Variants in LHX1 observed in about 807,000 individuals in gnomAD.
The protein encoded by LHX1 is LIM homeobox 1.
Under a neutral mutation model 34.1 loss-of-function variants are expected in LHX1, and 9 were observed. That is an observed-to-expected ratio of 0.26 (90% CI 0.16 to 0.46). LHX1 has a LOEUF of 0.46. Among genes scored for constraint, LHX1 ranks in the 20% least tolerant of loss-of-function variants. LHX1 has a pLI of 1.00. For synonymous variants in LHX1, 254 were observed against 241.5 expected, an observed-to-expected ratio of 1.05 and a Z score of -0.48; for missense variants, 446 against 559.1, an observed-to-expected ratio of 0.80 and a Z score of 2.04.
chr17:36,942,612 G>A (rs1182058656), intron 4 of LHX1, 140 bp from the exon 5 acceptor site: 6 of 1,040,956 alleles, frequency 5.8e-6, no homozygotes, highest in African/African-American at 5.0e-5. Context: ...CCTGCACCCA[G>A]GCCCGCGAGG....
At chr17:36,940,993 A>G (rs1171755057) in intron 3 of LHX1, 106 bp downstream of exon 3, 17 of 1,507,886 alleles carry the variant, frequency 1.1e-5, no homozygotes, top group Non-Finnish European at 1.4e-5. Flanking sequence ...TGAGAGATGG[A>G]GTCCAGAGGT....
Position 36,943,998 on chromosome 17 carries a change from G to A in LHX1, c.*867G>A, listed in dbSNP as rs1189241635. Reference sequence around the variant, plus strand: ...TGTTTACGTATAATGTTAAATTCAGGAGTTCAGTGTTTTACTAATATATCC... The same window carrying A: ...TGTTTACGTATAATGTTAAATTCAGAAGTTCAGTGTTTTACTAATATATCC... On this transcript the variant is annotated 3_prime_UTR_variant, in exon 5 of 5. Transcript: ENST00000614239. The A allele has an allele frequency of 1.3e-5, 2 of 151,550 alleles. No homozygotes were observed. The highest frequency in any genetic ancestry group is 2.4e-5 in the African/African-American group (1 of 41,338). The allele number at this position is 151,550 out of a possible 1,614,324, so 9.4% of individuals were successfully genotyped here.
chr17:36,942,777 C>G lies in LHX1; in HGVS notation c.867C>G (p.Pro289=). The change falls in exon 5 of 5, where the codon CCC becomes CCG. Residue 289 remains proline (P), a synonymous_variant. Coordinates refer to ENST00000614239, the MANE Select transcript of LHX1 (RefSeq NM_005568.5). Reference sequence around the variant, plus strand: ...ATTACCAGAGCGAGTACTACGGGCCCGGGGGCAACTACGACTTCTTCCCGC... The same window carrying G: ...ATTACCAGAGCGAGTACTACGGGCCGGGGGGCAACTACGACTTCTTCCCGC... ...YGDYQSEYYG[P]GGNYDFFPQG... is the part of the protein sequence containing the mutation. 1 of 1,540,764 alleles carries G rather than the reference C, an allele frequency of 6.5e-7. No individual in the cohort carries two copies. Among genetic ancestry groups the G allele is most frequent in the South Asian group, 1.2e-5 (1 of 80,886 alleles).
rs1011466660 is a variant in LHX1 at position 36,937,754 on chromosome 17, C to G, written c.-444C>G. On this transcript the variant is annotated 5_prime_UTR_variant, in exon 1 of 5. Coordinates refer to ENST00000614239, the MANE Select transcript of LHX1 (RefSeq NM_005568.5). ...CTTCTGACAGCTCTACCTCAAGCCC[C>G]GGAGAACTCAGCGGCGCTTTCCTCG... 1.1e-5 allele frequency: 5 copies of G among 466,654 alleles called. No homozygotes were observed. Among genetic ancestry groups the G allele is most frequent in the South Asian group, 3.1e-5 (2 of 64,562 alleles). 28.9% of individuals were successfully genotyped at this position (466,654 alleles called of 1,614,324 possible). A position where few individuals can be genotyped will look rare whatever the true frequency, so the allele number is the denominator to read the frequency against.
Position 36,940,404 on chromosome 17 carries a change from C to A in LHX1, c.285C>A (p.Asn95Lys), listed in dbSNP as rs1289751521. 1.9e-6 allele frequency: 3 copies of A among 1,614,018 alleles called. No individual in the cohort carries two copies. The African/African-American group carries it at 4.0e-5, about 22-fold the overall frequency. Residue 95 changes from asparagine (N) to lysine (K), a missense_variant, in exon 2 of 5, where the codon AAC (asparagine) becomes AAA (lysine). Physicochemically the swap from Asn to Lys is moderately conservative, Grantham distance 94. Around this residue, in one of 3 missense-constraint regions of LHX1, gnomAD observed 168 missense variants for 226.6 expected, o/e 0.74. Transcript: ENST00000614239. Reference sequence around the variant, plus strand: ...ACTGCTTCACCTGCATGATGTGTAACAAGCAGCTCTCCACTGGCGAGGAAC... The same window carrying A: ...ACTGCTTCACCTGCATGATGTGTAAAAAGCAGCTCTCCACTGGCGAGGAAC... The part of the protein sequence containing the change: ...HLNCFTCMMC[N>K]KQLSTGEELY...
Position 36,938,374 on chromosome 17 carries a change from A to G in LHX1, c.170+7A>G. ...GCAAGAACGACTTCTTCCGGTGAGT[A>G]CTTTCCTCCCACGCCTCTGCTGCTA... On this transcript the variant is annotated splice_region_variant and intron_variant, in intron 1 of 4. Transcript: ENST00000614239. 6.2e-7 allele frequency: 1 copy of G among 1,613,818 alleles called. No homozygotes were observed.
chr17:36,938,542 C>G, intron 1 of LHX1, 175 bp downstream of exon 1: 3 of 704,434 alleles, frequency 4.3e-6, no homozygotes, highest in South Asian at 1.5e-5. Context: ...GAGCCCGGGA[C>G]GCGGCCCTGC....
chr17:36,938,516 C>T, intron 1 of LHX1, 149 bp downstream of exon 1: 1 of 784,128 alleles, frequency 1.3e-6, no homozygotes, highest in Non-Finnish European at 2.2e-6. Flanking sequence ...CGCCTCTCCG[C>T]CAGCTGGCGC....
In LHX1 at chr17:36,937,963, G is replaced by A. The variant is rs2142178131; in HGVS notation, c.-235G>A. On this transcript the variant is annotated 5_prime_UTR_variant, in exon 1 of 5. Transcript: ENST00000614239. Reference sequence around the variant, plus strand: ...CTCAGGCGGCGCCGCTCCAGCCCGGGGCCCCGGGACTCCCCGGCTGCACAC... The same window carrying A: ...CTCAGGCGGCGCCGCTCCAGCCCGGAGCCCCGGGACTCCCCGGCTGCACAC... The A allele has an allele frequency of 5.0e-6, 3 of 602,168 alleles. No individual in the cohort carries two copies. The highest frequency in any genetic ancestry group is 8.9e-6 in the Non-Finnish European group (3 of 337,226). 37.3% of individuals were successfully genotyped at this position (602,168 alleles called of 1,614,324 possible). A position where few individuals can be genotyped will look rare whatever the true frequency, so the allele number is the denominator to read the frequency against.
rs1053165416 is a variant in LHX1, at chr17:36,938,100, A to G, written c.-98A>G. The G allele has an allele frequency of 2.5e-6, 3 of 1,197,838 alleles. No homozygotes were observed. Among genetic ancestry groups the G allele is most frequent in the East Asian group, 2.3e-5 (1 of 42,824 alleles). The allele number at this position is 1,197,838 out of a possible 1,614,324, so 74.2% of individuals were successfully genotyped here. On this transcript the variant is annotated 5_prime_UTR_variant, in exon 1 of 5. Transcript: ENST00000614239. ...CCGAGTGTGTGTCCTCTTTTTGGAGAGACTGGGGAGCTCGTGCCGATTGTC... is the reference window on the plus strand; with the variant it reads ...CCGAGTGTGTGTCCTCTTTTTGGAGGGACTGGGGAGCTCGTGCCGATTGTC...
chr17:36,941,209 A>C, intron 3 of LHX1: 2 of 623,320 alleles, frequency 3.2e-6, no homozygotes, highest in Non-Finnish European at 6.0e-6. Flanking sequence ...ACCCCACCCC[A>C]CCTCGGGTTC....
At chr17:36,939,541 C>T (rs537335691) in intron 1 of LHX1, among the ~76,000 whole-genome samples, 4 of 152,354 alleles carry the variant, frequency 2.6e-5, no homozygotes, top group Admixed American at 1.3e-4. Flanking sequence ...TGAGCCTCCG[C>T]GGGCTGCCCG....
In LHX1 at chr17:36,938,019, A is replaced by G; in HGVS notation, c.-179A>G. On this transcript the variant is annotated 5_prime_UTR_variant, in exon 1 of 5. Coordinates refer to ENST00000614239, the MANE Select transcript of LHX1 (RefSeq NM_005568.5). ...TGAGACGCCCCCCCAGGCCCCGATC[A>G]GCCTCGTTTCCTCCACCCTACTTTG... 2 of 642,758 alleles carry G rather than the reference A, an allele frequency of 3.1e-6. No individual in the cohort carries two copies. Among genetic ancestry groups the G allele is most frequent in the Admixed American group, 5.1e-5 (2 of 38,876 alleles). The allele number at this position is 642,758 out of a possible 1,614,324, so 39.8% of individuals were successfully genotyped here.
At chr17:36,942,685 C>A in intron 4 of LHX1, 67 bp from the exon 5 acceptor site, 2 of 1,418,152 alleles carry the variant, frequency 1.4e-6, no homozygotes, top group Non-Finnish European at 1.9e-6. Context: ...CGCGTCTTCC[C>A]TCCCTTTCGG....
intron 1 of LHX1, chr17:36,940,073 C>T (rs79852242): frequency 1.3e-5 from 8 of 604,106 alleles, no homozygotes; most frequent in Admixed American, 5.8e-5. Context: ...TCCCTGGTGC[C>T]GCGCTCTCTC....
rs1264041308 is a variant in LHX1 at position 36,940,797 on chromosome 17, G to C, written c.585G>C (p.Leu195=). Reference sequence around the variant, plus strand: ...TCAAAGCCAAGCAGCTGGAGACGCTGAAGGCCGCCTTCGCTGCTACACCCA... The same window carrying C: ...TCAAAGCCAAGCAGCTGGAGACGCTCAAGGCCGCCTTCGCTGCTACACCCA... ...TTIKAKQLET[L]KAAFAATPKP... Residue 195 remains leucine (L), a synonymous_variant, in exon 3 of 5, where the codon CTG becomes CTC. Transcript: ENST00000614239. 1.2e-6 allele frequency: 2 copies of C among 1,612,070 alleles called. No individual in the cohort carries two copies. The highest frequency in any genetic ancestry group is 1.7e-6 in the Non-Finnish European group (2 of 1,179,806).
intron 3 of LHX1, chr17:36,941,372 AGGTGGTTCCGCC>A: frequency 2.9e-6 from 1 of 340,140 alleles, no homozygotes; most frequent in South Asian, 2.3e-5. Context: ...CTCCAAAGAG[AGGTGGTTCCGCC>A]GGGAGTCAGC....
chr17:36,940,932 C>A (rs1395437729), intron 3 of LHX1, 45 bp downstream of exon 3: 1 of 1,545,914 alleles, frequency 6.5e-7, no homozygotes, highest in South Asian at 1.2e-5. Context: ...GCCCACACTG[C>A]CACTTTGGGC....
chr17:36,942,437 G>T (rs934893330), intron 4 of LHX1, 72 bp downstream of exon 4: 33 of 1,465,568 alleles, frequency 2.3e-5, no homozygotes, highest in African/African-American at 4.3e-5. Flanking sequence ...GGCAGCGCGG[G>T]GGGGCACGCC....
Sources: gnomAD v4.1 joint callset for allele counts (sites outside exome capture counted in the v4.1 genomes callset) on GRCh38, gnomAD v4.1.1 for gene constraint, gnomAD v4.1.1 regional missense constraint, MANE v1.5 for transcripts, NCBI Gene and HGNC (gene_info 2026-07-23, HGNC 2026-07-21) for gene names.